The following ZNF385D variants were observed in gnomAD, a reference collection of about 807,000 sequenced individuals.
ZNF385D encodes zinc finger protein 659.
Under a neutral mutation model 35.8 loss-of-function variants are expected in ZNF385D, and 15 were observed. That is an observed-to-expected ratio of 0.42 (90% CI 0.28 to 0.64). ZNF385D has a LOEUF of 0.64. Ranked by LOEUF, ZNF385D falls within the 30% of genes least tolerant of loss-of-function variation. The probability of loss-of-function intolerance (pLI) is 0.23; values close to 1 mark genes in which losing one functional copy is unlikely to be tolerated. For missense variants in ZNF385D, 474 were observed against 494.6 expected (o/e 0.96, Z 0.39); for synonymous variants, 212 against 186.8 (o/e 1.13, Z -1.10).
At chr3:22,037,942 A>G (rs1366374665) in intron 3 of ZNF385D, among the ~76,000 whole-genome samples, 1 of 152,146 alleles carries the variant, frequency 6.6e-6, no homozygotes, top group East Asian at 1.9e-4. Flanking sequence ...CAACTATCTG[A>G]TCTTTGACAA....
chr3:21,981,617 T>C (rs1255872826), intron 3 of ZNF385D, among the ~76,000 whole-genome samples: 1 of 152,224 alleles, frequency 6.6e-6, no homozygotes, highest in Non-Finnish European at 1.5e-5. Context: ...TTTTGGTGTC[T>C]TTGTCATAAA....
intron 3 of ZNF385D, among the ~76,000 whole-genome samples, chr3:21,774,146 C>A (rs1225915284): frequency 1.3e-5 from 2 of 151,896 alleles, no homozygotes; most frequent in African/African-American, 4.8e-5. Context: ...GGATGCTACT[C>A]TCCTCAGCAA....
chr3:22,062,587 G>A (rs1456820895), intron 3 of ZNF385D, among the ~76,000 whole-genome samples: 2 of 152,080 alleles, frequency 1.3e-5, no homozygotes, highest in African/African-American at 4.8e-5. Context: ...TAACATTGTG[G>A]TGGTTTTAAA....
intron 3 of ZNF385D, among the ~76,000 whole-genome samples, chr3:21,862,330 A>T (rs1697099694): frequency 6.6e-6 from 1 of 151,082 alleles, no homozygotes. Flanking sequence ...GTTAAGAAAT[A>T]TGCAGTAAGT....
chr3:22,229,391 G>C lies in ZNF385D; in HGVS notation c.107-60356C>G, dbSNP rs146995250. Among the ~76,000 whole-genome samples, 957 of 152,294 alleles carry C rather than the reference G, an allele frequency of 6.3e-3. 11 individuals are homozygous for C. The highest frequency in any genetic ancestry group is 6.1e-3 in the Non-Finnish European group (415 of 68,018). On this transcript the variant is annotated intron_variant, in intron 2 of 5. Coordinates refer to the ZNF385D transcript ENST00000494108. ...GTTCACTGTTGGCCGCCTCCCAGGT[G>C]CCACAGGGTTTTCAGCATTCAGTGA...
At chr3:21,556,068 G>GTTTTTTTTTTTTTTTTTTTTTTTTA (rs148079775) in intron 3 of ZNF385D, among the ~76,000 whole-genome samples, 1 of 99,020 alleles carries the variant, frequency 1.0e-5, no homozygotes, top group Non-Finnish European at 2.0e-5. Context: ...TTTTGTTTTT[G>GTTTTTTTTTTTTTTTTTTTTTTTTA]TTTTTTTTTT....
At chr3:21,744,871 T>A (rs12638816) in intron 1 of ZNF385D, among the ~76,000 whole-genome samples, 30,916 of 151,626 alleles carry the variant, frequency 0.2, 3,793 homozygotes, top group East Asian at 0.52. Context: ...AAAATAATAA[T>A]AAAAAAAGCT....
At chr3:21,734,730 C>T (rs888921323) in intron 1 of ZNF385D, among the ~76,000 whole-genome samples, 4 of 152,034 alleles carry the variant, frequency 2.6e-5, no homozygotes, top group Admixed American at 6.5e-5. Context: ...AATTTGGACC[C>T]CACGTGTCAG....
At chr3:22,211,929 G>A (rs963018238) in intron 2 of ZNF385D, among the ~76,000 whole-genome samples, 2 of 151,988 alleles carry the variant, frequency 1.3e-5, no homozygotes, top group Non-Finnish European at 2.9e-5. Context: ...GACAGAAGAT[G>A]CCTAAGCAAT....
At chr3:21,438,711 A>G (rs1037286746) in intron 4 of ZNF385D, among the ~76,000 whole-genome samples, 9 of 152,116 alleles carry the variant, frequency 5.9e-5, no homozygotes, top group Admixed American at 3.3e-4. Flanking sequence ...AAGATCATCA[A>G]GTAAGTCTCT....
At chr3:22,197,022 G>C (rs1248173951) in intron 2 of ZNF385D, among the ~76,000 whole-genome samples, 1 of 152,002 alleles carries the variant, frequency 6.6e-6, no homozygotes, top group Non-Finnish European at 1.5e-5. Context: ...CAATTTGTAA[G>C]TATTATTCCA....
chr3:22,321,264 G>A (rs1250998475), intron 2 of ZNF385D, among the ~76,000 whole-genome samples: 1 of 134,012 alleles, frequency 7.5e-6, no homozygotes, highest in Admixed American at 8.3e-5. Context: ...AGTGTATTCT[G>A]TGTAAAACAT....
chr3:21,596,388 G>A (rs974416882), intron 2 of ZNF385D, among the ~76,000 whole-genome samples: 3 of 152,068 alleles, frequency 2.0e-5, no homozygotes, highest in East Asian at 1.9e-4. Flanking sequence ...CAGAGATTCC[G>A]AGTCTCATTT....
intron 2 of ZNF385D, among the ~76,000 whole-genome samples, chr3:22,171,692 C>A (rs767317665): frequency 1.3e-5 from 2 of 151,770 alleles, no homozygotes; most frequent in Non-Finnish European, 1.5e-5. Context: ...GTGGCTAACA[C>A]AGTGAAATCC....
intron 3 of ZNF385D, among the ~76,000 whole-genome samples, chr3:22,058,021 T>A (rs1699497869): frequency 6.6e-6 from 1 of 152,210 alleles, no homozygotes; most frequent in Non-Finnish European, 1.5e-5. Flanking sequence ...AATGAATGAA[T>A]GAATACATCA....
At chr3:21,703,848 C>G (rs2067794329) in intron 1 of ZNF385D, among the ~76,000 whole-genome samples, 1 of 152,080 alleles carries the variant, frequency 6.6e-6, no homozygotes, top group African/African-American at 2.4e-5. Flanking sequence ...AGCTGCTACT[C>G]CTGTATGGTC....
intron 2 of ZNF385D, among the ~76,000 whole-genome samples, chr3:21,612,414 ACTATT>A (rs1043436983): frequency 2.0e-5 from 3 of 152,094 alleles, no homozygotes; most frequent in African/African-American, 7.2e-5. Flanking sequence ...GTCATTATTA[ACTATT>A]CTCAGATAAA....
chr3:21,955,441 T>C (rs1702240548), intron 3 of ZNF385D, among the ~76,000 whole-genome samples: 1 of 152,084 alleles, frequency 6.6e-6, no homozygotes, highest in Non-Finnish European at 1.5e-5. Flanking sequence ...ATCTCCCCAA[T>C]TCTGGCCAAT....
chr3:21,801,477 A>C (rs77993844), intron 3 of ZNF385D, among the ~76,000 whole-genome samples: 13,896 of 152,186 alleles, frequency 0.091, 729 homozygotes, highest in South Asian at 0.14. Flanking sequence ...GAGATGTTTG[A>C]TTAACAAGTC....
Sources: allele counts gnomAD v4.1 joint callset (sites outside exome capture counted in the v4.1 genomes callset), GRCh38; gene constraint gnomAD v4.1.1; transcripts MANE v1.5; gene names NCBI Gene and HGNC (gene_info 2026-07-23, HGNC 2026-07-21).